The following IGFBP5 variants were observed in gnomAD, a reference collection of about 807,000 sequenced individuals.
IGFBP5 encodes the protein insulin like growth factor binding protein 5, also known as insulin-like growth factor-binding protein 5.
In IGFBP5, 12 loss-of-function variants were observed where a neutral mutation model predicts 28.0. That is an observed-to-expected ratio of 0.43 (90% CI 0.27 to 0.69). The LOEUF is 0.69. Ranked by LOEUF, IGFBP5 falls within the 30% of genes least tolerant of loss-of-function variation. IGFBP5 has a pLI of 0.20. For missense variants in IGFBP5, 344 were observed against 381.6 expected (o/e 0.90, Z 0.82); for synonymous variants, 152 against 150.2 (o/e 1.01, Z -0.09).
At chr2:216,689,662 C>A (rs1315081206) in intron 1 of IGFBP5, among the ~76,000 whole-genome samples, 1 of 152,232 alleles carries the variant, frequency 6.6e-6, no homozygotes. Context: ...TGAGTCCCAG[C>A]CCCTTGTCTG....
At chr2:216,687,637 G>T (rs553112953) in intron 1 of IGFBP5, among the ~76,000 whole-genome samples, 3 of 152,328 alleles carry the variant, frequency 2.0e-5, no homozygotes, top group South Asian at 2.1e-4. Flanking sequence ...GTTGGGGAAG[G>T]GGGAGCATGC....
At chr2:216,682,902 G>A (rs549635413) in intron 1 of IGFBP5, among the ~76,000 whole-genome samples, 3 of 152,146 alleles carry the variant, frequency 2.0e-5, no homozygotes, top group African/African-American at 7.2e-5. Flanking sequence ...TAGAGATGGG[G>A]TTTCACCGTG....
At chr2:216,680,655 G>A (rs1688968166) in intron 1 of IGFBP5, among the ~76,000 whole-genome samples, 1 of 152,210 alleles carries the variant, frequency 6.6e-6, no homozygotes, top group Admixed American at 6.5e-5. Context: ...GGCAGAGAAG[G>A]TCCCTGCCCT....
rs1016452469 is a variant in IGFBP5 at position 216,692,306 on chromosome 2, G to A, written c.337+2133C>T. ...GCCCAAAGGCACTCAGAAGGTGGGG[G>A]TTGAGCAAGGGGCGGCAGGGAATTC... On this transcript the variant is annotated intron_variant, in intron 1 of 3. Coordinates refer to ENST00000233813, the MANE Select transcript of IGFBP5 (RefSeq NM_000599.4). This position sits in a 1 kb window ranked among gnomAD's most constrained non-coding sequence, Gnocchi z 4.2. Among the ~76,000 whole-genome samples, 2 of 151,662 alleles carry A rather than the reference G, an allele frequency of 1.3e-5. No individual in the cohort carries two copies. The highest frequency in any genetic ancestry group is 6.6e-5 in the Admixed American group (1 of 15,250).
chr2:216,694,361 C>T lies in IGFBP5; in HGVS notation c.337+78G>A. ...CCCCAGCTCGAAGCCACTTGCTGCGCAAAGCGCGCGGGCCCAGCCGGTCTC... is the reference window on the plus strand; with the variant it reads ...CCCCAGCTCGAAGCCACTTGCTGCGTAAAGCGCGCGGGCCCAGCCGGTCTC... On this transcript the variant is annotated intron_variant, in intron 1 of 3. Transcript: ENST00000233813. This position sits in a 1 kb window ranked among gnomAD's most constrained non-coding sequence, Gnocchi z 5.2. 7.6e-6 allele frequency: 10 copies of T among 1,321,454 alleles called. No individual in the cohort carries two copies. Among genetic ancestry groups the T allele is most frequent in the Non-Finnish European group, 1.0e-6 (1 of 1,004,180 alleles). The allele number at this position is 1,321,454 out of a possible 1,614,324, so 81.9% of individuals were successfully genotyped here. A position where few individuals can be genotyped will look rare whatever the true frequency, so the allele number is the denominator to read the frequency against.
At chr2:216,690,821 A>T (rs893761901) in intron 1 of IGFBP5, among the ~76,000 whole-genome samples, 1 of 143,354 alleles carries the variant, frequency 7.0e-6, no homozygotes, top group Non-Finnish European at 1.5e-5. Flanking sequence ...ATGAGCTCTC[A>T]CTAGGGCTAA....
In IGFBP5 at chr2:216,676,550, C is replaced by A. The variant is rs1688900552; in HGVS notation, c.*201G>T. ...TTAAAGGGGGGGGGTGTCTTTTTAG[C>A]TTTTTGCATCTCTGTTGTTGCCATT... On this transcript the variant is annotated 3_prime_UTR_variant, in exon 4 of 4. Transcript: ENST00000233813. The A allele has an allele frequency of 2.6e-6, 1 of 387,336 alleles. No individual in the cohort carries two copies. Among genetic ancestry groups the A allele is most frequent in the Non-Finnish European group, 4.7e-6 (1 of 213,712 alleles). 24.0% of individuals were successfully genotyped at this position (387,336 alleles called of 1,614,324 possible).
In IGFBP5 at chr2:216,686,853, G is replaced by A. The variant is rs2287177; in HGVS notation, c.337+7586C>T. On this transcript the variant is annotated intron_variant, in intron 1 of 3. Coordinates refer to ENST00000233813, the MANE Select transcript of IGFBP5 (RefSeq NM_000599.4). ...AGGATGGTCTTGATCTCTTGAGCTC[G>A]TGATCCACCCACCTCAGCCTCCCAA... is the stretch of plus-strand genomic sequence containing the variant. 3.0e-3 allele frequency among the ~76,000 whole-genome samples: 450 copies of A among 151,778 alleles called. 19 individuals are homozygous for A. In the East Asian group the frequency reaches 0.074, roughly 25 times the overall value.
chr2:216,672,939 G>C lies in IGFBP5; in HGVS notation c.*3812C>G, dbSNP rs1377936838. 3.3e-5 allele frequency: 5 copies of C among 152,688 alleles called. No individual in the cohort carries two copies. The highest frequency in any genetic ancestry group is 7.3e-5 in the Non-Finnish European group (5 of 68,058). 9.5% of individuals were successfully genotyped at this position (152,688 alleles called of 1,614,324 possible). On this transcript the variant is annotated 3_prime_UTR_variant, in exon 4 of 4. Transcript: ENST00000233813. ...AAAAACACAGACAGTACAAGGCCCA[G>C]GTTGCTGGCTGGTGAAACCCCTGTC...
intron 1 of IGFBP5, among the ~76,000 whole-genome samples, chr2:216,683,267 A>G (rs987871034): frequency 6.6e-6 from 1 of 152,122 alleles, no homozygotes; most frequent in Non-Finnish European, 1.5e-5. Flanking sequence ...GGTTGGAGGT[A>G]GGAGGTTGGA....
At chr2:216,680,424 T>A (rs2106218898) in intron 1 of IGFBP5, among the ~76,000 whole-genome samples, 1 of 152,106 alleles carries the variant, frequency 6.6e-6, no homozygotes, top group East Asian at 1.9e-4. Context: ...AAGAGAAGCT[T>A]TTTTGAGAAG....
Position 216,694,648 on chromosome 2 carries a change from A to G in IGFBP5, c.128T>C (p.Leu43Pro). 2 of 1,531,260 alleles carry G rather than the reference A, an allele frequency of 1.3e-6. No homozygotes were observed. The highest frequency in any genetic ancestry group is 2.5e-5 in the South Asian group (2 of 79,284). 94.9% of individuals were successfully genotyped at this position (1,531,260 alleles called of 1,614,324 possible). A position where few individuals can be genotyped will look rare whatever the true frequency, so the allele number is the denominator to read the frequency against. The change falls in exon 1 of 4, where the codon CTG becomes CCG. Residue 43 changes from leucine (L) to proline (P), a missense_variant. By Grantham distance (98) the Leu-to-Pro change is moderately conservative. Transcript: ENST00000233813. This position sits in a 1 kb window ranked among gnomAD's most constrained non-coding sequence, Gnocchi z 5.2. The part of the protein sequence containing the change: ...KALSMCPPSP[L>P]GCELVKEPGC... Reference sequence around the variant, plus strand: ...CGGCTCCTTGACCAGCTCGCAGCCCAGGGGGCTGGGGGGGCACATGGAGAG... The same window carrying G: ...CGGCTCCTTGACCAGCTCGCAGCCCGGGGGGCTGGGGGGGCACATGGAGAG...
rs528334135 is a variant in IGFBP5, at chr2:216,680,000, T to C, written c.338-921A>G. On this transcript the variant is annotated intron_variant, in intron 1 of 3. Transcript: ENST00000233813. This position sits in a 1 kb window ranked among gnomAD's most constrained non-coding sequence, Gnocchi z 4.6. ...CCTTAATTCCACCCGTCCGGCCTTT[T>C]CTTGGTGCGCAGTTTTCCCCTAAAT... Among the ~76,000 whole-genome samples, 1 of 152,290 alleles carries C rather than the reference T, an allele frequency of 6.6e-6. No homozygotes were observed. The highest frequency in any genetic ancestry group is 1.9e-4 in the East Asian group (1 of 5,186).
intron 1 of IGFBP5, among the ~76,000 whole-genome samples, chr2:216,693,007 G>A (rs190243146): frequency 1.5e-3 from 231 of 152,282 alleles, no homozygotes; most frequent in African/African-American, 5.1e-3. Flanking sequence ...CAGGGAGGGA[G>A]AAGGGGATTG....
rs11575156 is a variant in IGFBP5 at position 216,685,516 on chromosome 2, T to C, written c.338-6437A>G. ...TGGATGAAAATACTGAGGCCCAGTC[T>C]AGAATGTTCTGCAGTCCCCCTCCTC... On this transcript the variant is annotated intron_variant, in intron 1 of 3. Transcript: ENST00000233813. Among the ~76,000 whole-genome samples the C allele has an allele frequency of 8.3e-3, 1,260 of 152,214 alleles. 16 individuals carry two copies. The highest frequency in any genetic ancestry group is 0.029 in the African/African-American group (1,195 of 41,524).
At chr2:216,682,596 A>G (rs1343243207) in intron 1 of IGFBP5, among the ~76,000 whole-genome samples, 2 of 152,170 alleles carry the variant, frequency 1.3e-5, no homozygotes, top group Non-Finnish European at 2.9e-5. Flanking sequence ...AGAACTCAAC[A>G]GTCTGCTCTG....
Position 216,678,062 on chromosome 2 carries a change from G to A in IGFBP5, c.687+50C>T, listed in dbSNP as rs377028522. On this transcript the variant is annotated intron_variant, in intron 3 of 3. Coordinates refer to ENST00000233813, the MANE Select transcript of IGFBP5 (RefSeq NM_000599.4). Reference sequence around the variant, plus strand: ...TGCCCAAGGTGGAGTTTCCTGGCAGGTGCCATTTTTGGAGCAGTCTGAGCC... The same window carrying A: ...TGCCCAAGGTGGAGTTTCCTGGCAGATGCCATTTTTGGAGCAGTCTGAGCC... 5.6e-4 allele frequency: 771 copies of A among 1,364,960 alleles called. 2 individuals are homozygous for A. Among genetic ancestry groups the A allele is most frequent in the Non-Finnish European group, 7.1e-4 (739 of 1,046,896 alleles). The allele number at this position is 1,364,960 out of a possible 1,614,324, so 84.6% of individuals were successfully genotyped here.
intron 1 of IGFBP5, among the ~76,000 whole-genome samples, chr2:216,687,190 C>G (rs1417697680): frequency 6.6e-6 from 1 of 152,210 alleles, no homozygotes; most frequent in African/African-American, 2.4e-5. Flanking sequence ...CTCTGGGGGT[C>G]TGTTGGCCAA....
At chr2:216,680,378 G>C (rs980984323) in intron 1 of IGFBP5, among the ~76,000 whole-genome samples, 30 of 152,162 alleles carry the variant, frequency 2.0e-4, no homozygotes, top group African/African-American at 6.0e-4. Context: ...AGAAGAAGTG[G>C]GTAGAATTCC....
Sources: gnomAD v4.1 joint callset for allele counts (sites outside exome capture counted in the v4.1 genomes callset) on GRCh38, gnomAD v4.1.1 for gene constraint, Gnocchi (gnomAD v3.1) non-coding constraint, MANE v1.5 for transcripts, NCBI Gene and HGNC (gene_info 2026-07-23, HGNC 2026-07-21) for gene names.